MINDY3: variants seen among roughly 807,000 people sequenced by gnomAD.
MINDY3 encodes MINDY lysine 48 deubiquitinase 3, also known as ubiquitin carboxyl-terminal hydrolase MINDY-3.
In MINDY3, 38 loss-of-function variants were observed where a neutral mutation model predicts 69.2. The observed-to-expected ratio is 0.55, with a 90% confidence interval of 0.42 to 0.72. The LOEUF (loss-of-function observed/expected upper bound fraction) is 0.72, where lower values mean the gene tolerates loss of function less well. Ranked by LOEUF, MINDY3 falls within the 30% of genes least tolerant of loss-of-function variation. The pLI, the probability that MINDY3 is intolerant of heterozygous loss-of-function variation, is 0.00. For synonymous variants in MINDY3, 192 were observed against 180.1 expected, an observed-to-expected ratio of 1.07 and a Z score of -0.53; for missense variants, 522 against 519.0, an observed-to-expected ratio of 1.01 and a Z score of -0.06.
chr10:15,816,415 A>G (rs1488343355), intron 10 of MINDY3, among the ~76,000 whole-genome samples: 2 of 152,090 alleles, frequency 1.3e-5, no homozygotes, highest in Non-Finnish European at 2.9e-5. Context: ...CTTTAATACC[A>G]TTGAATTATT....
In MINDY3 at chr10:15,860,227, T is replaced by TG; in HGVS notation, c.72dup (p.Ile25HisfsTer12). On this transcript the variant is annotated frameshift_variant, in exon 1 of 15. Transcript: ENST00000277632. LOFTEE classifies it high-confidence loss of function. The stretch of plus-strand genomic sequence containing the variant: ...GTACCTTGCGTCCAGCGGCAGAAAA[T>TG]GGTGTCCGAGAGACCGGGGCTGCTC... 1.2e-6 allele frequency: 2 copies of TG among 1,609,784 alleles called. No homozygotes were observed. The highest frequency in any genetic ancestry group is 1.7e-6 in the Non-Finnish European group (2 of 1,178,258).
At chr10:15,858,589 C>T (rs1450840362) in intron 1 of MINDY3, among the ~76,000 whole-genome samples, 1 of 152,182 alleles carries the variant, frequency 6.6e-6, no homozygotes, top group African/African-American at 2.4e-5. Flanking sequence ...ATTATCTGTA[C>T]TTTACAGAGA....
At chr10:15,819,960 C>T (rs1477193529) in intron 9 of MINDY3, among the ~76,000 whole-genome samples, 3 of 152,232 alleles carry the variant, frequency 2.0e-5, no homozygotes, top group Non-Finnish European at 2.9e-5. Context: ...CTGGTGAATA[C>T]GTCCATTCAT....
At chr10:15,823,903 G>A (rs1394768750) in intron 8 of MINDY3, among the ~76,000 whole-genome samples, 1 of 152,090 alleles carries the variant, frequency 6.6e-6, no homozygotes, top group Non-Finnish European at 1.5e-5. Context: ...GTGTGATTTT[G>A]TCTTTTTCTT....
chr10:15,811,998 G>A (rs1338128150), intron 10 of MINDY3, among the ~76,000 whole-genome samples: 1 of 151,938 alleles, frequency 6.6e-6, no homozygotes. Context: ...TTGGAGTGAA[G>A]TGGCACAATC....
At chr10:15,817,595 T>G (rs1244662082) in intron 9 of MINDY3, 1 of 152,156 alleles carries the variant, frequency 6.6e-6, no homozygotes, top group Non-Finnish European at 1.5e-5. Flanking sequence ...AAAAAAAGTT[T>G]AATACTAAAC....
intron 4 of MINDY3, 124 bp from the exon 5 acceptor site, chr10:15,838,403 C>T (rs1833234558): frequency 1.1e-5 from 8 of 709,328 alleles, no homozygotes; most frequent in Admixed American, 3.5e-5. Flanking sequence ...CCTTAAAATT[C>T]TCAGTTTATT....
At chr10:15,802,044 C>A (rs116976424) in intron 10 of MINDY3, among the ~76,000 whole-genome samples, 1 of 150,988 alleles carries the variant, frequency 6.6e-6, no homozygotes, top group Non-Finnish European at 1.5e-5. Flanking sequence ...CTCCGGCTTA[C>A]GAGATTACAG....
At position 15,841,717 on chromosome 10, in the gene MINDY3, GA is replaced by G. The variant is rs905095849; in HGVS notation, c.236-119del. 7.5e-5 allele frequency: 41 copies of G among 543,518 alleles called. No individual in the cohort carries two copies. The Middle Eastern group carries it at 1.7e-3, about 22-fold the overall frequency. The allele number at this position is 543,518 out of a possible 1,614,324, so 33.7% of individuals were successfully genotyped here. ...AAAATCAAGCATTTTAAAAATGGGG[GA>G]AAAATCTCTAAATAGATTTTAAATT... On this transcript the variant is annotated intron_variant, in intron 3 of 14. Transcript: ENST00000277632.
chr10:15,837,571 G>C (rs1299761971), intron 5 of MINDY3: 4 of 1,394,700 alleles, frequency 2.9e-6, no homozygotes, highest in Non-Finnish European at 3.8e-6. Flanking sequence ...TCTCTTAGGT[G>C]AACTGTCTGG....
At chr10:15,784,013 C>T (rs1054174804) in intron 13 of MINDY3, among the ~76,000 whole-genome samples, 2 of 152,134 alleles carry the variant, frequency 1.3e-5, no homozygotes, top group Non-Finnish European at 2.9e-5. Context: ...ACTAAAATAC[C>T]TAGTGTATGA....
chr10:15,848,652 AAAAAAAAAAAG>A (rs1564529238), intron 1 of MINDY3, among the ~76,000 whole-genome samples: 1 of 128,376 alleles, frequency 7.8e-6, no homozygotes, highest in African/African-American at 2.6e-5. Context: ...AAAAAAAAAA[AAAAAAAAAAAG>A]AAAGAAAAAT....
chr10:15,782,871 C>T (rs1836655088), intron 13 of MINDY3, among the ~76,000 whole-genome samples: 1 of 152,124 alleles, frequency 6.6e-6, no homozygotes, highest in Non-Finnish European at 1.5e-5. Context: ...ATGTTATTCC[C>T]ACTATCTTAA....
chr10:15,803,150 A>G (rs1340773713), intron 10 of MINDY3, among the ~76,000 whole-genome samples: 2 of 152,156 alleles, frequency 1.3e-5, no homozygotes, highest in African/African-American at 4.8e-5. Flanking sequence ...TAATGTTTAA[A>G]TGTTCAGAGA....
At position 15,838,050 on chromosome 10, in the gene MINDY3, T is replaced by C. The variant is rs967135376; in HGVS notation, c.461+178A>G. ...AGTTAATTAAGGACTCAGCATAGTT[T>C]ATACATTTACAAACTATTTTAATTT... is the stretch of plus-strand genomic sequence containing the variant. On this transcript the variant is annotated intron_variant, in intron 5 of 14. Coordinates refer to ENST00000277632, the MANE Select transcript of MINDY3 (RefSeq NM_024948.4). 4 of 983,028 alleles carry C rather than the reference T, an allele frequency of 4.1e-6. No homozygotes were observed. The African/African-American group carries it at 7.0e-5, about 17-fold the overall frequency. The allele number at this position is 983,028 out of a possible 1,614,324, so 60.9% of individuals were successfully genotyped here. A position where few individuals can be genotyped will look rare whatever the true frequency, so the allele number is the denominator to read the frequency against.
chr10:15,788,347 G>C (rs1448655388), intron 12 of MINDY3, among the ~76,000 whole-genome samples: 1 of 152,096 alleles, frequency 6.6e-6, no homozygotes, highest in Non-Finnish European at 1.5e-5. Flanking sequence ...TAGTAAGCTT[G>C]AGACACATTA....
chr10:15,781,959 C>T (rs1452355460), intron 14 of MINDY3, among the ~76,000 whole-genome samples, 196 bp downstream of exon 14: 2 of 152,058 alleles, frequency 1.3e-5, no homozygotes, highest in Non-Finnish European at 2.9e-5. Flanking sequence ...CTCTGAAGTC[C>T]AATGTCAGTT....
chr10:15,782,401 G>C, intron 13 of MINDY3, 175 bp from the exon 14 acceptor site: 1 of 534,368 alleles, frequency 1.9e-6, no homozygotes, highest in Non-Finnish European at 3.2e-6. Context: ...CCCTGAAGTT[G>C]AAAGTGTTGC....
chr10:15,844,617 T>A (rs1833703259), intron 2 of MINDY3, among the ~76,000 whole-genome samples: 1 of 152,164 alleles, frequency 6.6e-6, no homozygotes, highest in South Asian at 2.1e-4. Context: ...CTTTAACATA[T>A]AAGCTCCTTT....
Sources: allele counts gnomAD v4.1 joint callset (sites outside exome capture counted in the v4.1 genomes callset), GRCh38; gene constraint gnomAD v4.1.1; transcripts MANE v1.5; gene names NCBI Gene and HGNC (gene_info 2026-07-23, HGNC 2026-07-21).